The following CLYBL variants were observed in gnomAD, a reference collection of about 807,000 sequenced individuals.
CLYBL encodes the protein citramalyl-CoA lyase, mitochondrial.
A neutral mutation model predicts 38.9 loss-of-function variants in CLYBL; 31 were observed. The ratio of observed to expected loss-of-function variants is 0.80; its 90% confidence interval spans 0.60 to 1.08. The LOEUF (loss-of-function observed/expected upper bound fraction) is 1.08. Among genes scored for constraint, CLYBL ranks in the 50% least tolerant of loss-of-function variants. The pLI, the probability that CLYBL is intolerant of heterozygous loss-of-function variation, is 0.00. For synonymous variants in CLYBL, 171 were observed against 158.6 expected (o/e 1.08, Z -0.59); for missense variants, 434 against 411.6 (o/e 1.05, Z -0.47).
chr13:99,898,325 T>A (rs1271647411), downstream of CLYBL, among the ~76,000 whole-genome samples: 1 of 152,114 alleles, frequency 6.6e-6, no homozygotes, highest in Non-Finnish European at 1.5e-5. Flanking sequence ...TTCCAAAGAC[T>A]CCATACTCTA....
At chr13:99,795,341 C>T (rs1351729119) in intron 2 of CLYBL, among the ~76,000 whole-genome samples, 1 of 152,200 alleles carries the variant, frequency 6.6e-6, no homozygotes, top group East Asian at 1.9e-4. Flanking sequence ...TTGATTAACT[C>T]CAGGTAATTA....
chr13:99,753,708 G>A (rs1287045087), intron 1 of CLYBL, among the ~76,000 whole-genome samples: 2 of 152,184 alleles, frequency 1.3e-5, no homozygotes. Context: ...TGAATTTAAA[G>A]AGTGATGTTA....
chr13:99,684,754 G>A (rs1418592702), intron 1 of CLYBL, among the ~76,000 whole-genome samples: 1 of 152,176 alleles, frequency 6.6e-6, no homozygotes, highest in Non-Finnish European at 1.5e-5. Context: ...AAGATAAAAT[G>A]TTCCCAGGCC....
At chr13:99,839,726 G>A (rs985511536) in intron 2 of CLYBL, among the ~76,000 whole-genome samples, 2 of 151,816 alleles carry the variant, frequency 1.3e-5, no homozygotes, top group Non-Finnish European at 2.9e-5. Flanking sequence ...ATATATTTAT[G>A]GGGTACATGA....
intron 1 of CLYBL, among the ~76,000 whole-genome samples, chr13:99,716,793 T>C (rs989953480): frequency 4.2e-5 from 6 of 144,524 alleles, no homozygotes; most frequent in East Asian, 2.0e-4. Context: ...TTTTCTTTTT[T>C]TTTTTTTTTT....
chr13:99,663,551 A>G (rs1038148219), intron 1 of CLYBL, among the ~76,000 whole-genome samples: 15 of 152,128 alleles, frequency 9.9e-5, no homozygotes, highest in Non-Finnish European at 1.5e-5. Flanking sequence ...CAGGCTGTGG[A>G]GTTCGGGACA....
chr13:99,749,799 C>G (rs568892550), intron 1 of CLYBL, among the ~76,000 whole-genome samples: 2 of 152,146 alleles, frequency 1.3e-5, no homozygotes, highest in South Asian at 2.1e-4. Flanking sequence ...CTTTTGCTCC[C>G]GTGTCCATGG....
chr13:99,608,685 G>A (rs898418540), intron 1 of CLYBL, among the ~76,000 whole-genome samples: 2 of 152,002 alleles, frequency 1.3e-5, no homozygotes, highest in Non-Finnish European at 2.9e-5. Context: ...TTAGCACACT[G>A]GTCTGTTCTC....
In CLYBL at chr13:99,871,478, G is replaced by T. The variant is rs192884264; in HGVS notation, c.927+416G>T. Among the ~76,000 whole-genome samples, 9 of 152,146 alleles carry T rather than the reference G, an allele frequency of 5.9e-5. No homozygotes were observed. The East Asian group carries it at 1.5e-3, about 26-fold the overall frequency. On this transcript the variant is annotated intron_variant, in intron 7 of 8. Coordinates refer to ENST00000339105, the MANE Select transcript of CLYBL (RefSeq NM_206808.5). ...AATAAATTGCAAGTTATTTTAATTT[G>T]GGGGGAAAAAAGTACAGAAATCTCC...
chr13:99,732,950 T>C, intron 1 of CLYBL, among the ~76,000 whole-genome samples: 1 of 152,352 alleles, frequency 6.6e-6, no homozygotes, highest in South Asian at 2.1e-4. Context: ...TAAAATGCTT[T>C]ACAAATAATT....
intron 2 of CLYBL, among the ~76,000 whole-genome samples, chr13:99,819,467 T>TATATATATATATAA (rs1566340310): frequency 7.2e-5 from 4 of 55,686 alleles, no homozygotes; most frequent in African/African-American, 3.3e-4. Flanking sequence ...TATATATATA[T>TATATATATATATAA]AATATTTGTC....
At chr13:99,778,917 T>TGA (rs2049579872) in intron 2 of CLYBL, among the ~76,000 whole-genome samples, 1 of 152,210 alleles carries the variant, frequency 6.6e-6, no homozygotes. Context: ...ATTTAAGTAT[T>TGA]TAAGTATTTA....
chr13:99,713,334 C>CTTTTTTTTTTTTTTTTTTTTTT (rs759844768), intron 1 of CLYBL, among the ~76,000 whole-genome samples: 2 of 101,674 alleles, frequency 2.0e-5, no homozygotes, highest in Non-Finnish European at 2.0e-5. Flanking sequence ...TTCTCTATTT[C>CTTTTTTTTTTTTTTTTTTTTTT]TTTTTTTTTT....
chr13:99,738,260 G>A (rs1325423640), intron 1 of CLYBL, among the ~76,000 whole-genome samples: 1 of 152,182 alleles, frequency 6.6e-6, no homozygotes, highest in African/African-American at 2.4e-5. Context: ...TTGGTTAAAA[G>A]TATTTCTGGG....
At chr13:99,825,929 T>G (rs1453118124) in intron 2 of CLYBL, among the ~76,000 whole-genome samples, 1 of 152,224 alleles carries the variant, frequency 6.6e-6, no homozygotes, top group Non-Finnish European at 1.5e-5. Context: ...TTGCAGAATC[T>G]GCAGCCTCAC....
Position 99,657,508 on chromosome 13 carries a change from T to C in CLYBL, c.62+50751T>C, listed in dbSNP as rs954533962. On this transcript the variant is annotated intron_variant, in intron 1 of 8. Coordinates refer to ENST00000339105, the MANE Select transcript of CLYBL (RefSeq NM_206808.5). ...TGTCCAATAATGTTATTCTTTTAAATTCAGATTTGGGGCTTTTTAGGATTA... is the reference window on the plus strand; with the variant it reads ...TGTCCAATAATGTTATTCTTTTAAACTCAGATTTGGGGCTTTTTAGGATTA... Among the ~76,000 whole-genome samples, 102 of 152,348 alleles carry C rather than the reference T, an allele frequency of 6.7e-4. 1 individual carries two copies. The highest frequency in any genetic ancestry group is 2.1e-3 in the African/African-American group (87 of 41,562).
At chr13:99,781,664 AT>A (rs1177774921) in intron 2 of CLYBL, among the ~76,000 whole-genome samples, 1 of 151,304 alleles carries the variant, frequency 6.6e-6, no homozygotes, top group Non-Finnish European at 1.5e-5. Flanking sequence ...TTTAGTAGAG[AT>A]GGGGGTTTCA....
intron 7 of CLYBL, among the ~76,000 whole-genome samples, chr13:99,886,365 A>G (rs2052350136): frequency 6.6e-6 from 1 of 152,256 alleles, no homozygotes; most frequent in Non-Finnish European, 1.5e-5. Context: ...TCACGCCATC[A>G]TCATCACCTT....
At chr13:99,848,703 G>A (rs983706204) in intron 2 of CLYBL, among the ~76,000 whole-genome samples, 1 of 152,156 alleles carries the variant, frequency 6.6e-6, no homozygotes, top group African/African-American at 2.4e-5. Flanking sequence ...GGCTCCCTGT[G>A]CCCCTTGCTG....
Sources: allele counts gnomAD v4.1 joint callset (sites outside exome capture counted in the v4.1 genomes callset), GRCh38; gene constraint gnomAD v4.1.1; transcripts MANE v1.5; gene names NCBI Gene and HGNC (gene_info 2026-07-23, HGNC 2026-07-21).